F13A1: variants seen among roughly 807,000 people sequenced by gnomAD.
F13A1 encodes the protein coagulation factor XIII A chain, also known as FSF, A subunit.
Under a neutral mutation model 80.1 loss-of-function variants are expected in F13A1, and 47 were observed. That is an observed-to-expected ratio of 0.59 (90% CI 0.46 to 0.75). The LOEUF is 0.75. F13A1 is among the 30% of genes least tolerant of loss of function. The probability of loss-of-function intolerance (pLI) is 0.00; values close to 1 mark genes in which losing one functional copy is unlikely to be tolerated. For synonymous variants in F13A1, 349 were observed against 344.9 expected (o/e 1.01, Z -0.13); for missense variants, 817 against 930.4 (o/e 0.88, Z 1.59).
chr6:6,198,104 G>A (rs1176318676), intron 8 of F13A1, among the ~76,000 whole-genome samples: 8 of 152,170 alleles, frequency 5.3e-5, no homozygotes, highest in African/African-American at 1.9e-4. Context: ...GACTATTACT[G>A]TAGAAACTAC....
chr6:6,226,672 C>T (rs368235455), intron 6 of F13A1, among the ~76,000 whole-genome samples: 1 of 152,296 alleles, frequency 6.6e-6, no homozygotes, highest in African/African-American at 2.4e-5. Context: ...GAAAAAAAAT[C>T]TCCGTCTTTC....
intron 8 of F13A1, among the ~76,000 whole-genome samples, chr6:6,218,039 G>C (rs1757129753): frequency 6.6e-6 from 1 of 152,170 alleles, no homozygotes. Context: ...CCCTGTGGGT[G>C]GGTGCATTCC....
chr6:6,228,471 G>A (rs758041777), intron 6 of F13A1, among the ~76,000 whole-genome samples: 2 of 151,948 alleles, frequency 1.3e-5, no homozygotes, highest in Non-Finnish European at 2.9e-5. Context: ...TTTTTGGCCA[G>A]GCATGTAATC....
At chr6:6,169,029 A>G (rs937187490) in intron 12 of F13A1, among the ~76,000 whole-genome samples, 1 of 152,214 alleles carries the variant, frequency 6.6e-6, no homozygotes, top group African/African-American at 2.4e-5. Flanking sequence ...CTTCTGATTG[A>G]AGAGTTCTCA....
chr6:6,172,927 A>G (rs1346968269), intron 12 of F13A1, among the ~76,000 whole-genome samples: 1 of 152,202 alleles, frequency 6.6e-6, no homozygotes, highest in Non-Finnish European at 1.5e-5. Context: ...AAATCCAGAG[A>G]GCTTGAGAGC....
chr6:6,211,023 G>A (rs188006585), intron 8 of F13A1, among the ~76,000 whole-genome samples: 30 of 152,296 alleles, frequency 2.0e-4, no homozygotes, highest in African/African-American at 5.1e-4. Flanking sequence ...GAGCCACCAC[G>A]CCCAGTCAAT....
At chr6:6,213,496 C>A (rs1761660326) in intron 8 of F13A1, among the ~76,000 whole-genome samples, 1 of 145,416 alleles carries the variant, frequency 6.9e-6, no homozygotes, top group Non-Finnish European at 1.5e-5. Context: ...TTTGTCACCA[C>A]CAGGCCTGCC....
At chr6:6,288,241 C>A (rs544509368) in intron 3 of F13A1, among the ~76,000 whole-genome samples, 5 of 152,278 alleles carry the variant, frequency 3.3e-5, no homozygotes, top group Admixed American at 6.5e-5. Flanking sequence ...CTGTGGTCAC[C>A]AAGCCATGCA....
intron 3 of F13A1, among the ~76,000 whole-genome samples, chr6:6,274,429 T>C (rs1439106600): frequency 6.6e-6 from 1 of 152,238 alleles, no homozygotes; most frequent in Non-Finnish European, 1.5e-5. Context: ...TGTCACCTGA[T>C]GCTGACTACC....
intron 14 of F13A1, among the ~76,000 whole-genome samples, chr6:6,146,029 GCC>G (rs1387677398): frequency 5.3e-5 from 8 of 152,132 alleles, no homozygotes; most frequent in African/African-American, 1.9e-4. Context: ...CCTCCCAGTG[GCC>G]ATCAGGAGCT....
At chr6:6,163,967 C>T (rs62407994) in intron 13 of F13A1, among the ~76,000 whole-genome samples, 4,198 of 151,702 alleles carry the variant, frequency 0.028, 107 homozygotes, top group African/African-American at 0.071. Context: ...CACAACCCCA[C>T]GAGTACCAGT....
chr6:6,306,770 G>GCGC (rs1160858887), intron 2 of F13A1, among the ~76,000 whole-genome samples: 1 of 152,226 alleles, frequency 6.6e-6, no homozygotes, highest in African/African-American at 2.4e-5. Context: ...AGCACCATGT[G>GCGC]CGCAGAAAGC....
At chr6:6,236,885 G>A (rs1465017654) in intron 6 of F13A1, among the ~76,000 whole-genome samples, 3 of 152,104 alleles carry the variant, frequency 2.0e-5, no homozygotes, top group Non-Finnish European at 2.9e-5. Context: ...GTAGAAAATC[G>A]TTTCCAGGTT....
In F13A1 at chr6:6,174,508, C is replaced by T. The variant is rs148959396; in HGVS notation, c.1747+72G>A. ...CTTTAACTTTGATATAAAGCTATAA[C>T]GGGCATTAACACCTAGCAAGACAGG... is the stretch of plus-strand genomic sequence containing the variant. On this transcript the variant is annotated intron_variant, in intron 12 of 14. Coordinates refer to ENST00000264870, the MANE Select transcript of F13A1 (RefSeq NM_000129.4). The T allele has an allele frequency of 1.0e-4, 154 of 1,509,068 alleles. 1 individual carries two copies. The African/African-American group carries it at 1.6e-3, about 16-fold the overall frequency. The allele number at this position is 1,509,068 out of a possible 1,614,324, so 93.5% of individuals were successfully genotyped here.
intron 3 of F13A1, among the ~76,000 whole-genome samples, chr6:6,282,662 G>A (rs1163109748): frequency 1.3e-5 from 2 of 152,216 alleles, no homozygotes; most frequent in East Asian, 3.8e-4. Flanking sequence ...AGTGATGACA[G>A]AAAATAGTCC....
At chr6:6,184,355 A>G (rs751625103) in intron 10 of F13A1, among the ~76,000 whole-genome samples, 4 of 152,220 alleles carry the variant, frequency 2.6e-5, no homozygotes, top group Non-Finnish European at 5.9e-5. Flanking sequence ...CTGCGGGAGC[A>G]TGAGCCCCAG....
intron 10 of F13A1, among the ~76,000 whole-genome samples, chr6:6,188,202 G>T (rs1441576256): frequency 4.6e-5 from 7 of 152,182 alleles, no homozygotes; most frequent in Non-Finnish European, 8.8e-5. Flanking sequence ...TTTTTGAAGG[G>T]TTTTTTGTGT....
In F13A1 at chr6:6,275,615, C is replaced by T. The variant is rs192828068; in HGVS notation, c.320-8806G>A. 3.0e-4 allele frequency among the ~76,000 whole-genome samples: 45 copies of T among 152,248 alleles called. No individual in the cohort carries two copies. In the East Asian group the frequency reaches 7.5e-3, roughly 26 times the overall value. ...AACTCCTGACCTCAAGAGATCCACC[C>T]GCCTTGGCCTCCCAATGTGCTGGGA... On this transcript the variant is annotated intron_variant, in intron 3 of 14. Transcript: ENST00000264870.
At chr6:6,169,229 T>A (rs1760729208) in intron 12 of F13A1, 1 of 152,248 alleles carries the variant, frequency 6.6e-6, no homozygotes, top group African/African-American at 2.4e-5. Context: ...CCCTGTAGAA[T>A]CAGCCCTGCA....
Sources: allele counts gnomAD v4.1 joint callset (sites outside exome capture counted in the v4.1 genomes callset), GRCh38; gene constraint gnomAD v4.1.1; transcripts MANE v1.5; gene names NCBI Gene and HGNC (gene_info 2026-07-23, HGNC 2026-07-21).